The following ZNF451 variants were observed in gnomAD, a reference collection of about 807,000 sequenced individuals.
ZNF451 encodes zinc finger protein 451, also known as E3 SUMO-protein ligase ZNF451.
ZNF451 carries 80 observed loss-of-function variants against 107.1 expected under a neutral mutation model. That is an observed-to-expected ratio of 0.75 (90% CI 0.62 to 0.90). The LOEUF is 0.90. Among genes scored for constraint, ZNF451 ranks in the 40% least tolerant of loss-of-function variants. ZNF451 has a pLI of 0.00. For synonymous variants in ZNF451, 362 were observed against 406.5 expected (o/e 0.89, Z 1.32); for missense variants, 1,107 against 1,236.2 (o/e 0.90, Z 1.57).
intron 3 of ZNF451, chr6:57,103,165 GC>G (rs1203603243): frequency 8.1e-6 from 8 of 985,260 alleles, no homozygotes; most frequent in Non-Finnish European, 4.8e-6. Flanking sequence ...TTCCAAACAT[GC>G]CTGACAATCT....
chr6:57,161,111 C>T lies in ZNF451; in HGVS notation c.3098C>T (p.Ala1033Val), dbSNP rs746693271. The change falls in exon 14 of 15, where the codon GCC becomes GTC. Residue 1033 changes from alanine (A) to valine (V), a missense_variant. Coordinates refer to ENST00000370706, the MANE Select transcript of ZNF451 (RefSeq NM_001031623.3). ...KECDSDDNMG[A>V]KNTSIGEEFI... ...TGTGACAGTGATGATAACATGGGTG[C>T]CAAAAATACTTCAATAGGAGAAGAA... 1.3e-6 allele frequency: 2 copies of T among 1,560,948 alleles called. No homozygotes were observed. Among genetic ancestry groups the T allele is most frequent in the Non-Finnish European group, 1.7e-6 (2 of 1,158,966 alleles).
intron 3 of ZNF451, chr6:57,107,424 A>G (rs566596927): frequency 2.0e-6 from 2 of 985,304 alleles, no homozygotes; most frequent in African/African-American, 3.5e-5. Flanking sequence ...AGCCAGTCCA[A>G]TATCTCAAAC....
At position 57,147,896 on chromosome 6, in the gene ZNF451, G is replaced by T. The variant is rs753184680; in HGVS notation, c.1811G>T (p.Gly604Val). ...TCCCCGGCAAATAGTTCTCCGAGGG[G>T]TAAATGGCAATGCCGGATTTGTGAA... ...DHSPANSSPR[G>V]KWQCRICEDM... The change falls in exon 10 of 15, where the codon GGT (glycine) becomes GTT (valine). Residue 604 changes from glycine (G) to valine (V), a missense_variant. Around this residue, in one of 5 missense-constraint regions of ZNF451, gnomAD observed 608 missense variants for 649.2 expected, o/e 0.94. Coordinates refer to ENST00000370706, the MANE Select transcript of ZNF451 (RefSeq NM_001031623.3). The T allele has an allele frequency of 3.7e-6, 6 of 1,614,130 alleles. No homozygotes were observed. Among genetic ancestry groups the T allele is most frequent in the Non-Finnish European group, 5.1e-6 (6 of 1,179,978 alleles).
intron 5 of ZNF451, among the ~76,000 whole-genome samples, chr6:57,131,053 T>C (rs547081322): frequency 6.6e-6 from 1 of 152,270 alleles, no homozygotes; most frequent in African/African-American, 2.4e-5. Flanking sequence ...TAGAGAGGAA[T>C]CACAGTTCTC....
chr6:57,108,277 A>G (rs766350729), intron 3 of ZNF451: 13 of 985,388 alleles, frequency 1.3e-5, no homozygotes, highest in Non-Finnish European at 1.4e-5. Flanking sequence ...GTTTTCTTTC[A>G]TTACCCGTAA....
intron 3 of ZNF451, among the ~76,000 whole-genome samples, chr6:57,099,854 C>A (rs1421626816): frequency 6.6e-6 from 1 of 152,200 alleles, no homozygotes; most frequent in Non-Finnish European, 1.5e-5. Context: ...CCACAAACTT[C>A]TTGCTCTGTG....
chr6:57,159,928 A>G (rs1309034254), intron 13 of ZNF451, among the ~76,000 whole-genome samples: 1 of 152,226 alleles, frequency 6.6e-6, no homozygotes, highest in Non-Finnish European at 1.5e-5. Flanking sequence ...TGCTGATTCA[A>G]GTCACTGACA....
intron 3 of ZNF451, among the ~76,000 whole-genome samples, chr6:57,100,101 G>A (rs1179400178): frequency 6.6e-6 from 1 of 152,058 alleles, no homozygotes; most frequent in African/African-American, 2.4e-5. Flanking sequence ...TTTGTTATTC[G>A]TGGACAGTGA....
intron 3 of ZNF451, among the ~76,000 whole-genome samples, chr6:57,111,086 A>AT (rs1240455728): frequency 6.6e-6 from 1 of 151,462 alleles, no homozygotes; most frequent in African/African-American, 2.4e-5. Context: ...TTCCTGGCTA[A>AT]TTTTTTGTAT....
At chr6:57,146,951 C>T in intron 9 of ZNF451, 139 bp from the exon 10 acceptor site, 4 of 692,390 alleles carry the variant, frequency 5.8e-6, no homozygotes, top group Non-Finnish European at 6.9e-6. Flanking sequence ...ATCATTATGT[C>T]ATTTGCATCT....
intron 2 of ZNF451, among the ~76,000 whole-genome samples, chr6:57,097,603 T>C (rs1360020526): frequency 1.3e-5 from 2 of 152,214 alleles, no homozygotes. Context: ...TTCAGTGGCA[T>C]TTTATTGTTG....
chr6:57,110,016 G>T (rs549916550), intron 3 of ZNF451, among the ~76,000 whole-genome samples: 2 of 152,294 alleles, frequency 1.3e-5, no homozygotes, highest in South Asian at 4.1e-4. Flanking sequence ...TTGGAAGAAT[G>T]CCTGTGGTGA....
chr6:57,107,381 A>G (rs913072351), intron 3 of ZNF451: 2 of 983,536 alleles, frequency 2.0e-6, no homozygotes, highest in African/African-American at 3.5e-5. Context: ...GAGATATTCT[A>G]GTTTCTTCTA....
intron 13 of ZNF451, among the ~76,000 whole-genome samples, chr6:57,158,344 A>G (rs1483033236): frequency 1.3e-5 from 2 of 151,762 alleles, no homozygotes; most frequent in Non-Finnish European, 2.9e-5. Context: ...TTTAAATAAC[A>G]TTCAGGAAGA....
chr6:57,134,787 C>A lies in ZNF451; in HGVS notation c.619C>A (p.Pro207Thr), dbSNP rs140750140. The change falls in exon 7 of 15, where the codon CCT becomes ACT. Residue 207 changes from proline (P) to threonine (T), a missense_variant. Pro to Thr is a conservative substitution (Grantham distance 38). Coordinates refer to ENST00000370706, the MANE Select transcript of ZNF451 (RefSeq NM_001031623.3). ...PCDPTITLHG[P>T]FFSSFACVVC... ...TGATCCAACAATTACACTACATGGA[C>A]CTTTCTTCAGCTCCTTTGCTTGTGT... The A allele has an allele frequency of 2.7e-3, 4,314 of 1,613,132 alleles. 8 individuals carry two copies. Among genetic ancestry groups the A allele is most frequent in the Non-Finnish European group, 3.4e-3 (4,012 of 1,179,584 alleles).
intron 2 of ZNF451, among the ~76,000 whole-genome samples, chr6:57,092,241 A>G (rs947428987): frequency 2.0e-5 from 3 of 152,208 alleles, no homozygotes; most frequent in Non-Finnish European, 4.4e-5. Flanking sequence ...ATCTCTTAAT[A>G]TTTGAAAAAT....
At chr6:57,106,044 T>G in intron 3 of ZNF451, 1 of 983,886 alleles carries the variant, frequency 1.0e-6, no homozygotes, top group Non-Finnish European at 1.2e-6. Context: ...ACTAATAATT[T>G]ACTGAGTGCT....
chr6:57,102,243 A>G (rs1829641263), intron 3 of ZNF451: 2 of 1,380,488 alleles, frequency 1.4e-6, no homozygotes, highest in African/African-American at 1.5e-5. Flanking sequence ...TTTGAATTCT[A>G]GACTTTTGAA....
At chr6:57,162,403 G>A (rs1159407758) in intron 14 of ZNF451, among the ~76,000 whole-genome samples, 1 of 152,192 alleles carries the variant, frequency 6.6e-6, no homozygotes, top group African/African-American at 2.4e-5. Flanking sequence ...GTAGATAGCT[G>A]TAATCTTTCT....
Sources: gnomAD v4.1 joint callset for allele counts (sites outside exome capture counted in the v4.1 genomes callset) on GRCh38, gnomAD v4.1.1 for gene constraint, gnomAD v4.1.1 regional missense constraint, MANE v1.5 for transcripts, NCBI Gene and HGNC (gene_info 2026-07-23, HGNC 2026-07-21) for gene names.